Variants in CNTN5 observed in about 807,000 individuals in gnomAD.
CNTN5 encodes the protein contactin 5.
In CNTN5, 77 loss-of-function variants were observed where a neutral mutation model predicts 129.1. That is an observed-to-expected ratio of 0.60 (90% confidence interval 0.50 to 0.72). CNTN5 has a LOEUF of 0.72. CNTN5 is among the 30% of genes least tolerant of loss of function. The probability of loss-of-function intolerance (pLI) is 0.00; values close to 1 mark genes in which losing one functional copy is unlikely to be tolerated. For synonymous variants in CNTN5, 509 were observed against 465.6 expected (o/e 1.09, Z -1.20); for missense variants, 1,478 against 1,328.8 (o/e 1.11, Z -1.75).
chr11:99,512,367 AC>A (rs1448387587), intron 2 of CNTN5, among the ~76,000 whole-genome samples: 4 of 152,164 alleles, frequency 2.6e-5, no homozygotes, highest in African/African-American at 9.7e-5. Context: ...AGTAATCTAT[AC>A]CACCCAGGTT....
intron 2 of CNTN5, among the ~76,000 whole-genome samples, chr11:99,521,958 C>T (rs1310635222): frequency 2.0e-5 from 3 of 152,084 alleles, no homozygotes; most frequent in East Asian, 3.8e-4. Flanking sequence ...AGTAAGTTTC[C>T]TTCTGCAAGT....
Position 99,815,371 on chromosome 11 carries a change from TG to T in CNTN5, c.56-4169del, listed in dbSNP as rs555373918. On this transcript the variant is annotated intron_variant, in intron 3 of 24. Coordinates refer to ENST00000524871, the MANE Select transcript of CNTN5 (RefSeq NM_014361.4). The stretch of plus-strand genomic sequence containing the variant: ...AATCCTCAGAACTAAGACTGAGGAG[TG>T]GGGAAACTCTGAGGATATGTCATAG... Among the ~76,000 whole-genome samples the T allele has an allele frequency of 2.6e-3, 392 of 151,780 alleles. 1 individual carries two copies. The highest frequency in any genetic ancestry group is 9.0e-3 in the African/African-American group (374 of 41,344).
At chr11:99,771,895 G>T (rs918392743) in intron 3 of CNTN5, among the ~76,000 whole-genome samples, 1 of 151,614 alleles carries the variant, frequency 6.6e-6, no homozygotes, top group Admixed American at 6.6e-5. Flanking sequence ...GAAATGGTGT[G>T]AACTTTACTG....
chr11:99,773,668 A>T (rs1004540911), intron 3 of CNTN5, among the ~76,000 whole-genome samples: 4 of 151,778 alleles, frequency 2.6e-5, no homozygotes, highest in African/African-American at 7.3e-5. Flanking sequence ...TTTTAAAGTG[A>T]TAATAGTAAT....
At chr11:99,140,180 T>C (rs1335869580) in intron 1 of CNTN5, among the ~76,000 whole-genome samples, 1 of 152,180 alleles carries the variant, frequency 6.6e-6, no homozygotes, top group Non-Finnish European at 1.5e-5. Context: ...AAGTTCATAA[T>C]AAAACATTAT....
At chr11:99,214,829 C>A (rs1044579301) in intron 1 of CNTN5, among the ~76,000 whole-genome samples, 5 of 152,090 alleles carry the variant, frequency 3.3e-5, no homozygotes, top group African/African-American at 1.2e-4. Context: ...CATCATCCAA[C>A]TCAGCTACCC....
intron 2 of CNTN5, among the ~76,000 whole-genome samples, chr11:99,331,503 C>G (rs945881542): frequency 6.6e-6 from 1 of 152,010 alleles, no homozygotes; most frequent in Non-Finnish European, 1.5e-5. Context: ...AACAAAATGA[C>G]AGAGGTGACT....
chr11:99,523,656 G>T (rs1460752845), intron 2 of CNTN5, among the ~76,000 whole-genome samples: 5 of 32,628 alleles, frequency 1.5e-4, no homozygotes, highest in African/African-American at 4.4e-4. Flanking sequence ...GAATAGAACA[G>T]AACAGATCAG....
chr11:99,748,918 G>A (rs530216622), intron 3 of CNTN5, among the ~76,000 whole-genome samples: 71 of 152,270 alleles, frequency 4.7e-4, no homozygotes, highest in African/African-American at 9.4e-4. Context: ...AGCCATCTGA[G>A]TATCTCTTAG....
intron 9 of CNTN5, among the ~76,000 whole-genome samples, chr11:100,034,345 AC>A (rs1229342475): frequency 1.3e-5 from 2 of 152,194 alleles, no homozygotes; most frequent in Non-Finnish European, 2.9e-5. Context: ...AAACCAAGAA[AC>A]TAAAGTTGCT....
In CNTN5 at chr11:99,297,701, G is replaced by T. The variant is rs1437635593; in HGVS notation, c.-209-27645G>T. Among the ~76,000 whole-genome samples the T allele has an allele frequency of 3.3e-5, 5 of 152,172 alleles. No individual in the cohort carries two copies. The East Asian group carries it at 9.7e-4, about 29-fold the overall frequency. On this transcript the variant is annotated intron_variant, in intron 1 of 24. Coordinates refer to ENST00000524871, the MANE Select transcript of CNTN5 (RefSeq NM_014361.4). ...GGATCCCATTTTTACCTAAAATACT[G>T]GCTTCGATCTCAGGTTCTCTTGATT...
At chr11:99,993,714 C>G (rs989380271) in intron 8 of CNTN5, among the ~76,000 whole-genome samples, 1 of 152,060 alleles carries the variant, frequency 6.6e-6, no homozygotes, top group African/African-American at 2.4e-5. Context: ...AGGCCACAGA[C>G]CACTGCAGGT....
chr11:100,263,249 T>C (rs1453331876), intron 17 of CNTN5, among the ~76,000 whole-genome samples: 1 of 152,142 alleles, frequency 6.6e-6, no homozygotes, highest in Non-Finnish European at 1.5e-5. Flanking sequence ...TTTTAAACTC[T>C]AATGACCTCT....
intron 3 of CNTN5, among the ~76,000 whole-genome samples, chr11:99,564,695 G>A (rs1948947506): frequency 6.6e-6 from 1 of 152,100 alleles, no homozygotes; most frequent in African/African-American, 2.4e-5. Flanking sequence ...AATCTCTATT[G>A]TGCCAAAATC....
At chr11:99,054,600 CT>C (rs1381166853) in intron 1 of CNTN5, among the ~76,000 whole-genome samples, 3 of 151,648 alleles carry the variant, frequency 2.0e-5, no homozygotes, top group African/African-American at 4.8e-5. Flanking sequence ...TTCCTTAATC[CT>C]TAGCTTGGAT....
rs142529596 is a variant in CNTN5, at chr11:99,247,303, A to G, written c.-209-78043A>G. ...TCTGAACTGAATTTCTTCGTATGTA[A>G]AACTGATTTTTGGAAGAAGTAAAGA... On this transcript the variant is annotated intron_variant, in intron 1 of 24. Coordinates refer to ENST00000524871, the MANE Select transcript of CNTN5 (RefSeq NM_014361.4). Among the ~76,000 whole-genome samples, 901 of 152,108 alleles carry G rather than the reference A, an allele frequency of 5.9e-3. 9 individuals carry two copies. The highest frequency in any genetic ancestry group is 0.02 in the African/African-American group (810 of 41,514).
At chr11:99,212,922 T>G (rs1859879426) in intron 1 of CNTN5, among the ~76,000 whole-genome samples, 1 of 152,068 alleles carries the variant, frequency 6.6e-6, no homozygotes, top group South Asian at 2.1e-4. Context: ...CTGGGCGCAA[T>G]GGCTCAGGCC....
At chr11:100,255,171 T>G (rs1474925602) in intron 16 of CNTN5, among the ~76,000 whole-genome samples, 3 of 152,218 alleles carry the variant, frequency 2.0e-5, no homozygotes, top group Non-Finnish European at 4.4e-5. Context: ...TTGAACTCCC[T>G]ACAGAACTTT....
chr11:99,949,262 G>A (rs1486775209), intron 7 of CNTN5, among the ~76,000 whole-genome samples: 1 of 152,026 alleles, frequency 6.6e-6, no homozygotes, highest in African/African-American at 2.4e-5. Context: ...CTGGTGTCTT[G>A]ATTTAATGAA....
Sources: allele counts gnomAD v4.1 joint callset (sites outside exome capture counted in the v4.1 genomes callset), GRCh38; gene constraint gnomAD v4.1.1; transcripts MANE v1.5; gene names NCBI Gene and HGNC (gene_info 2026-07-23, HGNC 2026-07-21).